Variants in USP34 observed in about 807,000 individuals in gnomAD.
The protein encoded by USP34 is ubiquitin carboxyl-terminal hydrolase 34.
Under a neutral mutation model 460.3 loss-of-function variants are expected in USP34, and 70 were observed. That is an observed-to-expected ratio of 0.15 (90% CI 0.13 to 0.19). USP34 has a LOEUF of 0.19. USP34 is among the 10% of genes least tolerant of loss of function. USP34 has a pLI of 1.00. For synonymous variants in USP34, 1,647 were observed against 1,405.3 expected (o/e 1.17, Z -3.85); for missense variants, 3,985 against 4,236.2 (o/e 0.94, Z 1.65).
At position 61,192,308 on chromosome 2, in the gene USP34, C is replaced by T. The variant is rs191699486; in HGVS notation, c.9588+593G>A. ...CAAGGAATGAGCCAAACATTAGTAC[C>T]TCCTCCTCTTCCCAATTCTGCCTTT... is the stretch of plus-strand genomic sequence containing the variant. On this transcript the variant is annotated intron_variant, in intron 76 of 79. Coordinates refer to ENST00000398571, the MANE Select transcript of USP34 (RefSeq NM_014709.4). Among the ~76,000 whole-genome samples, 892 of 152,330 alleles carry T rather than the reference C, an allele frequency of 5.9e-3. 5 individuals carry two copies. The highest frequency in any genetic ancestry group is 9.5e-3 in the Non-Finnish European group (643 of 68,026).
intron 8 of USP34, among the ~76,000 whole-genome samples, chr2:61,378,097 T>C (rs991112605): frequency 1.3e-5 from 2 of 152,044 alleles, no homozygotes; most frequent in Non-Finnish European, 2.9e-5. Context: ...CACCTGACCC[T>C]GGGAACTTGA....
chr2:61,307,840 G>A (rs955923679), intron 27 of USP34, among the ~76,000 whole-genome samples: 1 of 152,060 alleles, frequency 6.6e-6, no homozygotes, highest in African/African-American at 2.4e-5. Context: ...TTGAGACCAG[G>A]AGTTAAATAA....
At position 61,348,176 on chromosome 2, in the gene USP34, C is replaced by T. The variant is rs371503960; in HGVS notation, c.1979G>A (p.Gly660Asp). ...QAGICLGDSQ[G>D]MSERNGTSSG... Reference sequence around the variant, plus strand: ...GCTTGTCCCATTTCTTTCTGACATGCCTTGGGAGTCCCCCAGGCAAATGCC... The same window carrying T: ...GCTTGTCCCATTTCTTTCTGACATGTCTTGGGAGTCCCCCAGGCAAATGCC... Residue 660 changes from glycine to aspartate, a missense_variant, in exon 15 of 80, where the codon GGC becomes GAC. Physicochemically the swap from Gly to Asp is moderately conservative, Grantham distance 94. This residue lies in a region of USP34 where 716 missense variants were observed against 626.2 expected (regional missense o/e 1.14). Coordinates refer to ENST00000398571, the MANE Select transcript of USP34 (RefSeq NM_014709.4). 41 of 1,614,078 alleles carry T rather than the reference C, an allele frequency of 2.5e-5. No homozygotes were observed. Among genetic ancestry groups the T allele is most frequent in the African/African-American group, 2.4e-4 (18 of 74,930 alleles).
chr2:61,409,969 T>C (rs1199756363), intron 2 of USP34, among the ~76,000 whole-genome samples: 1 of 152,196 alleles, frequency 6.6e-6, no homozygotes, highest in Non-Finnish European at 1.5e-5. Flanking sequence ...CTTTTTATTC[T>C]ATTACATTCA....
Position 61,223,470 on chromosome 2 carries a change from A to G in USP34, c.7596-174T>C. On this transcript the variant is annotated intron_variant, in intron 62 of 79. Transcript: ENST00000398571. ...TAAATGTCTTTTGGGCAACTTTTCAACATTCCAGGATTGGTAAATGAAAGC... is the reference window on the plus strand; with the variant it reads ...TAAATGTCTTTTGGGCAACTTTTCAGCATTCCAGGATTGGTAAATGAAAGC... 8.0e-6 allele frequency: 5 copies of G among 626,612 alleles called. No homozygotes were observed. The South Asian group carries it at 1.0e-4, about 13-fold the overall frequency. 38.8% of individuals were successfully genotyped at this position (626,612 alleles called of 1,614,324 possible). A position where few individuals can be genotyped will look rare whatever the true frequency, so the allele number is the denominator to read the frequency against.
intron 1 of USP34, among the ~76,000 whole-genome samples, chr2:61,428,477 G>A (rs374173368): frequency 1.3e-5 from 2 of 152,132 alleles, no homozygotes; most frequent in African/African-American, 4.8e-5. Context: ...CTTAGGCAAT[G>A]GCTGCTTGCT....
rs1257082146 is a variant in USP34 at position 61,221,582 on chromosome 2, A to G, written c.7819T>C (p.Leu2607=). Residue 2607 remains leucine (L), a synonymous_variant, in exon 66 of 80, where the codon TTG becomes CTG. Transcript: ENST00000398571. ...PEAANPFFKL[L]TMLMEFAGGP... is the part of the protein sequence containing the mutation. ...CCAGCAAACTCCATTAGCATAGTCA[A>G]CAACTTAAAGAAAGGATTGGCTGCC... is the stretch of plus-strand genomic sequence containing the variant. 8.7e-6 allele frequency: 14 copies of G among 1,613,978 alleles called. No individual in the cohort carries two copies. Among genetic ancestry groups the G allele is most frequent in the Non-Finnish European group, 1.2e-5 (14 of 1,179,968 alleles).
chr2:61,362,194 A>T (rs1027482079), intron 10 of USP34, among the ~76,000 whole-genome samples: 1 of 152,190 alleles, frequency 6.6e-6, no homozygotes, highest in Admixed American at 6.5e-5. Flanking sequence ...GGGAATCCTT[A>T]TACACTGTTG....
chr2:61,418,237 G>A (rs1485145547), intron 2 of USP34, among the ~76,000 whole-genome samples: 1 of 151,598 alleles, frequency 6.6e-6, no homozygotes, highest in Non-Finnish European at 1.5e-5. Flanking sequence ...ACACCACCAC[G>A]CCTGGCTAAT....
At chr2:61,379,255 A>G (rs185845854) in intron 7 of USP34, among the ~76,000 whole-genome samples, 94 of 152,326 alleles carry the variant, frequency 6.2e-4, no homozygotes, top group African/African-American at 2.2e-3. Flanking sequence ...GGGGTGGCTC[A>G]CGCCTGTAAT....
At chr2:61,257,621 G>A (rs775042672) in intron 44 of USP34, among the ~76,000 whole-genome samples, 6 of 152,216 alleles carry the variant, frequency 3.9e-5, no homozygotes, top group African/African-American at 9.6e-5. Flanking sequence ...ACTCACAGCC[G>A]GGCACAGTGG....
intron 53 of USP34, among the ~76,000 whole-genome samples, chr2:61,236,856 CT>C (rs1467029268): frequency 6.6e-6 from 1 of 152,126 alleles, no homozygotes; most frequent in Non-Finnish European, 1.5e-5. Flanking sequence ...CTGTTTTTGT[CT>C]TCATCTGTCT....
intron 5 of USP34, among the ~76,000 whole-genome samples, chr2:61,388,930 A>G (rs1285189076): frequency 6.6e-6 from 1 of 152,180 alleles, no homozygotes; most frequent in African/African-American, 2.4e-5. Context: ...GTCCATCACC[A>G]GTAAAATAAA....
intron 53 of USP34, among the ~76,000 whole-genome samples, chr2:61,238,576 T>C (rs1688139997): frequency 6.6e-6 from 1 of 152,246 alleles, no homozygotes; most frequent in Non-Finnish European, 1.5e-5. Context: ...GATTAATAAC[T>C]ATGCTTTAAA....
chr2:61,193,722 G>A (rs932813033), intron 75 of USP34, among the ~76,000 whole-genome samples: 1 of 152,130 alleles, frequency 6.6e-6, no homozygotes, highest in African/African-American at 2.4e-5. Flanking sequence ...GGTCCCCAGG[G>A]CAAGTATAAT....
intron 33 of USP34, among the ~76,000 whole-genome samples, chr2:61,290,979 A>T (rs1236920302): frequency 1.3e-5 from 2 of 152,102 alleles, no homozygotes; most frequent in Non-Finnish European, 2.9e-5. Flanking sequence ...CAAAATTACA[A>T]ATTTTTGTAA....
chr2:61,221,674 C>T, intron 65 of USP34, 68 bp from the exon 66 acceptor site: 2 of 1,428,490 alleles, frequency 1.4e-6, no homozygotes, highest in Non-Finnish European at 1.9e-6. Flanking sequence ...AGAGAAGAAA[C>T]ATATATTCTA....
At chr2:61,206,469 G>C (rs1468479378) in intron 71 of USP34, among the ~76,000 whole-genome samples, 2 of 152,178 alleles carry the variant, frequency 1.3e-5, no homozygotes, top group Non-Finnish European at 2.9e-5. Context: ...TTTCCAGCTG[G>C]AGAATCTTTA....
At position 61,318,190 on chromosome 2, in the gene USP34, CA is replaced by C. The variant is rs35751865; in HGVS notation, c.3169-424del. Among the ~76,000 whole-genome samples, 924 of 108,144 alleles carry C rather than the reference CA, an allele frequency of 8.5e-3. 8 individuals are homozygous for C. Among genetic ancestry groups the C allele is most frequent in the African/African-American group, 0.031 (808 of 26,128 alleles). 70.9% of individuals were successfully genotyped at this position (108,144 alleles called of 152,430 possible). On this transcript the variant is annotated intron_variant, in intron 22 of 79. Coordinates refer to ENST00000398571, the MANE Select transcript of USP34 (RefSeq NM_014709.4). ...CCTTGGAGACAGAGCAAGCCCATCT[CA>C]AAAAAAAAAAAAAAAATGAAAATAT...
Sources: allele counts gnomAD v4.1 joint callset (sites outside exome capture counted in the v4.1 genomes callset), GRCh38; gene constraint gnomAD v4.1.1; regional missense constraint gnomAD v4.1.1; transcripts MANE v1.5; gene names NCBI Gene and HGNC (gene_info 2026-07-23, HGNC 2026-07-21).